FECH: variants seen among roughly 807,000 people sequenced by gnomAD.
FECH encodes the protein ferrochelatase.
In FECH, 40 loss-of-function variants were observed where a neutral mutation model predicts 56.9. That is an observed-to-expected ratio of 0.70 (90% CI 0.55 to 0.92). The LOEUF (loss-of-function observed/expected upper bound fraction) is 0.92, where lower values mean the gene tolerates loss of function less well. Among genes scored for constraint, FECH ranks in the 40% least tolerant of loss-of-function variants. FECH has a pLI of 0.00. For synonymous variants in FECH, 175 were observed against 198.6 expected (o/e 0.88, Z 1.00); for missense variants, 431 against 529.1 (o/e 0.81, Z 1.82).
intron 1 of FECH, among the ~76,000 whole-genome samples, chr18:57,581,189 A>C (rs2051272505): frequency 6.6e-6 from 1 of 152,188 alleles, no homozygotes; most frequent in Admixed American, 6.5e-5. Context: ...TCTATTTGTC[A>C]ACATAGGAGG....
In FECH at chr18:57,577,113, G is replaced by A. The variant is rs73436941; in HGVS notation, c.194+2960C>T. 2.8e-3 allele frequency among the ~76,000 whole-genome samples: 421 copies of A among 152,254 alleles called. 1 individual carries two copies. The highest frequency in any genetic ancestry group is 9.5e-3 in the African/African-American group (394 of 41,540). ...AATTCTATTCTACTCTATATGGTCA[G>A]CCTCAAGAAAAAGTAATACGATCCC... On this transcript the variant is annotated intron_variant, in intron 2 of 10. Transcript: ENST00000262093.
intron 6 of FECH, among the ~76,000 whole-genome samples, chr18:57,559,621 A>T (rs146198626): frequency 0.01 from 1,537 of 152,352 alleles, 28 homozygotes; most frequent in African/African-American, 0.035. Context: ...AAAACAGCTT[A>T]CAGGGTCTTT....
rs185005852 is a variant in FECH at position 57,545,664 on chromosome 18, G to T, written c.*5048C>A. On this transcript the variant is annotated 3_prime_UTR_variant, in exon 11 of 11. Transcript: ENST00000262093. ...ATTAGCAGCATCAATTTACTTCTCT[G>T]AAGCACCTGCAGGTACCCACCACTT... is the stretch of plus-strand genomic sequence containing the variant. Among the ~76,000 whole-genome samples, 81 of 152,250 alleles carry T rather than the reference G, an allele frequency of 5.3e-4. No individual in the cohort carries two copies. Among genetic ancestry groups the T allele is most frequent in the Admixed American group, 1.4e-3 (22 of 15,298 alleles).
intron 9 of FECH, 74 bp from the exon 10 acceptor site, chr18:57,551,448 C>CA (rs2050797492): frequency 1.7e-6 from 2 of 1,162,470 alleles, no homozygotes; most frequent in South Asian, 1.3e-5. Flanking sequence ...GAAACTGCTA[C>CA]AAAAAAATAA....
chr18:57,579,289 A>ATGTGTGTGTGTGTGTGTGTGTG (rs71171043), intron 2 of FECH, among the ~76,000 whole-genome samples: 1 of 141,920 alleles, frequency 7.0e-6, no homozygotes, highest in African/African-American at 2.7e-5. Flanking sequence ...GTGTGTATAT[A>ATGTGTGTGTGTGTGTGTGTGTG]TGTGTGTGTG....
At chr18:57,573,605 G>A (rs1025903908) in intron 2 of FECH, among the ~76,000 whole-genome samples, 7 of 152,120 alleles carry the variant, frequency 4.6e-5, no homozygotes, top group Admixed American at 1.3e-4. Context: ...TCTTCACTCC[G>A]CTAGAAATGT....
chr18:57,576,141 C>A (rs907384242), intron 2 of FECH, among the ~76,000 whole-genome samples: 28 of 152,156 alleles, frequency 1.8e-4, no homozygotes, highest in Admixed American at 1.6e-3. Flanking sequence ...ATAGCACACA[C>A]CCCACCCCAG....
chr18:57,578,029 TTAG>T (rs2051207792), intron 2 of FECH, among the ~76,000 whole-genome samples: 1 of 152,218 alleles, frequency 6.6e-6, no homozygotes. Flanking sequence ...CTAAAGTTAC[TTAG>T]TAGAATTTAA....
In FECH at chr18:57,550,638, A is replaced by C; in HGVS notation, c.*74T>G. The C allele has an allele frequency of 6.3e-7, 1 of 1,596,112 alleles. No individual in the cohort carries two copies. The highest frequency in any genetic ancestry group is 8.6e-7 in the Non-Finnish European group (1 of 1,165,710). The stretch of plus-strand genomic sequence containing the variant: ...GATGACTTCCTTCCTTGATCTCTAA[A>C]TAACACCCTCTCCACATCGGAGGTA... On this transcript the variant is annotated 3_prime_UTR_variant, in exon 11 of 11. Coordinates refer to ENST00000262093, the MANE Select transcript of FECH (RefSeq NM_000140.5).
chr18:57,585,181 C>T (rs187649101), intron 1 of FECH, among the ~76,000 whole-genome samples: 131 of 152,120 alleles, frequency 8.6e-4, no homozygotes, highest in African/African-American at 3.0e-3. Flanking sequence ...CTTTGCTTTT[C>T]CACTTTTACT....
At chr18:57,575,553 C>T (rs2051173587) in intron 2 of FECH, among the ~76,000 whole-genome samples, 1 of 152,176 alleles carries the variant, frequency 6.6e-6, no homozygotes, top group African/African-American at 2.4e-5. Context: ...AGTGATCCTC[C>T]CGCTTCGGCC....
chr18:57,578,404 A>G (rs567321469), intron 2 of FECH, among the ~76,000 whole-genome samples: 51 of 152,364 alleles, frequency 3.3e-4, no homozygotes, highest in Admixed American at 1.2e-3. Context: ...CTCGTGGCTC[A>G]TGGCTCATGC....
Position 57,566,487 on chromosome 18 carries a change from A to C in FECH, c.558T>G (p.Ile186Met). ...TGTACTGTGGATACTGTGTGAAAGC[A>C]ATAGCCCTTTCTAGGCCATCTCTCT... ...EMERDGLERA[I>M]AFTQYPQYSC... Residue 186 changes from isoleucine (I) to methionine (M), a missense_variant, in exon 5 of 11, where the codon ATT (isoleucine) becomes ATG (methionine). By Grantham distance (10) the Ile-to-Met change is conservative. Coordinates refer to ENST00000262093, the MANE Select transcript of FECH (RefSeq NM_000140.5). The C allele has an allele frequency of 6.2e-7, 1 of 1,614,186 alleles. No individual in the cohort carries two copies. The highest frequency in any genetic ancestry group is 8.5e-7 in the Non-Finnish European group (1 of 1,180,018).
At chr18:57,556,910 CAAAAAAAAAAAAA>C (rs57650194) in intron 7 of FECH, among the ~76,000 whole-genome samples, 1 of 44,370 alleles carries the variant, frequency 2.3e-5, no homozygotes, top group Non-Finnish European at 4.0e-5. Flanking sequence ...GACCCTGTCT[CAAAAAAAAAAAAA>C]AAAAAAAAAA....
At position 57,549,658 on chromosome 18, in the gene FECH, A is replaced by G. The variant is rs192343321; in HGVS notation, c.*1054T>C. On this transcript the variant is annotated 3_prime_UTR_variant, in exon 11 of 11. Coordinates refer to ENST00000262093, the MANE Select transcript of FECH (RefSeq NM_000140.5). ...ATTAAATGGCATTAAAAATATCTAC[A>G]GGAAAGGACTACCACGAAATACAAT... 2.0e-4 allele frequency: 31 copies of G among 152,338 alleles called. No homozygotes were observed. Among genetic ancestry groups the G allele is most frequent in the East Asian group, 7.7e-4 (4 of 5,190 alleles). The allele number at this position is 152,338 out of a possible 1,614,324, so 9.4% of individuals were successfully genotyped here. A position where few individuals can be genotyped will look rare whatever the true frequency, so the allele number is the denominator to read the frequency against.
chr18:57,586,592 G>A lies in FECH; in HGVS notation c.29C>T (p.Ala10Val), dbSNP rs75592383. 1.3e-6 allele frequency: 2 copies of A among 1,521,404 alleles called. No individual in the cohort carries two copies. The highest frequency in any genetic ancestry group is 1.8e-6 in the Non-Finnish European group (2 of 1,141,552). 94.2% of individuals were successfully genotyped at this position (1,521,404 alleles called of 1,614,324 possible). A position where few individuals can be genotyped will look rare whatever the true frequency, so the allele number is the denominator to read the frequency against. MRSLGANMA[A>V]ALRAAGVLLR... ...CAGGACGCCCGCGGCGCGCAGGGCC[G>A]CAGCCATGTTTGCGCCGAGTGAACG... is the stretch of plus-strand genomic sequence containing the variant. Residue 10 changes from alanine (A) to valine (V), a missense_variant, in exon 1 of 11, where the codon GCG (alanine) becomes GTG (valine). Coordinates refer to ENST00000262093, the MANE Select transcript of FECH (RefSeq NM_000140.5).
chr18:57,586,554 G>A lies in FECH; in HGVS notation c.67C>T (p.Leu23=). ...RAAGVLLRDP[L]ASSSWRVCQP... ...CGGCCGCCGCGACAGACCCACTTAC[G>A]CGGATCGCGGAGCAGGACGCCCGCG... Residue 23 remains leucine, a splice_region_variant and synonymous_variant, in exon 1 of 11, where the codon CTG becomes TTG. Coordinates refer to ENST00000262093, the MANE Select transcript of FECH (RefSeq NM_000140.5). 6.6e-7 allele frequency: 1 copy of A among 1,521,918 alleles called. No individual in the cohort carries two copies. Among genetic ancestry groups the A allele is most frequent in the Non-Finnish European group, 8.8e-7 (1 of 1,141,242 alleles). 94.3% of individuals were successfully genotyped at this position (1,521,918 alleles called of 1,614,324 possible).
At chr18:57,583,948 G>A (rs959086916) in intron 1 of FECH, among the ~76,000 whole-genome samples, 1 of 152,160 alleles carries the variant, frequency 6.6e-6, no homozygotes, top group Non-Finnish European at 1.5e-5. Flanking sequence ...TTGGGAGGCC[G>A]AGGCGGGCAG....
At chr18:57,578,793 C>G (rs977775308) in intron 2 of FECH, among the ~76,000 whole-genome samples, 2 of 148,438 alleles carry the variant, frequency 1.3e-5, no homozygotes, top group Non-Finnish European at 1.5e-5. Context: ...AACCCCATCT[C>G]TACTAAAAAT....
Sources: allele counts gnomAD v4.1 joint callset (sites outside exome capture counted in the v4.1 genomes callset), GRCh38; gene constraint gnomAD v4.1.1; transcripts MANE v1.5; gene names NCBI Gene and HGNC (gene_info 2026-07-23, HGNC 2026-07-21).